The following XG variants were observed in gnomAD, a reference collection of about 807,000 sequenced individuals.
The protein encoded by XG is glycoprotein Xg.
A neutral mutation model predicts 25.7 loss-of-function variants in XG; 24 were observed. The observed-to-expected ratio is 0.93, with a 90% CI of 0.68 to 1.31. The LOEUF is 1.31. Ranked by LOEUF, XG falls within the 40% of genes most tolerant of loss-of-function variation. XG has a pLI of 0.00. For synonymous variants in XG, 77 were observed against 69.2 expected, an observed-to-expected ratio of 1.11 and a Z score of -0.56; for missense variants, 181 against 187.6, an observed-to-expected ratio of 0.96 and a Z score of 0.21.
intron 1 of XG, among the ~76,000 whole-genome samples, chrX:2,765,941 G>GT (rs2050674783): frequency 6.6e-6 from 1 of 152,222 alleles, no homozygotes; most frequent in Non-Finnish European, 1.5e-5. Flanking sequence ...ACATACAAAT[G>GT]TATTTAATGT....
chrX:2,766,606 C>G (rs1336485466), intron 1 of XG, among the ~76,000 whole-genome samples: 1 of 145,556 alleles, frequency 6.9e-6, no homozygotes, highest in Non-Finnish European at 1.5e-5. Context: ...GCTCTGTCAC[C>G]CAGGCTGGAG....
chrX:2,765,718 G>A (rs2050669108), intron 1 of XG, among the ~76,000 whole-genome samples: 1 of 152,174 alleles, frequency 6.6e-6, no homozygotes, highest in African/African-American at 2.4e-5. Context: ...GTTTTGCTGT[G>A]GGTCCATTGC....
intron 7 of XG, among the ~76,000 whole-genome samples, chrX:2,805,118 A>T (rs750329289): frequency 1.8e-5 from 2 of 112,284 alleles, no homozygotes; most frequent in South Asian, 7.4e-4. Context: ...CTTCTCCCCG[A>T]ATCCCCAAAG....
chrX:2,756,751 C>A (rs1426375383), intron 1 of XG, among the ~76,000 whole-genome samples: 1 of 152,200 alleles, frequency 6.6e-6, no homozygotes, highest in Non-Finnish European at 1.5e-5. Flanking sequence ...ATCTGTTTGA[C>A]CGCCACACAC....
chrX:2,811,484 T>G (rs1268371520), intron 10 of XG, 32 bp downstream of exon 10: 1 of 1,037,157 alleles, frequency 9.6e-7, no homozygotes, highest in Admixed American at 3.2e-5. Context: ...GTTTTGCTTG[T>G]TACTAAGCCT....
chrX:2,808,176 C>T lies in XG; in HGVS notation c.419-9C>T, dbSNP rs368000300. 1.8e-5 allele frequency: 22 copies of T among 1,210,675 alleles called. No homozygotes were observed. The highest frequency in any genetic ancestry group is 5.9e-5 in the East Asian group (2 of 33,794). On this transcript the variant is annotated splice_polypyrimidine_tract_variant and intron_variant, in intron 8 of 10. Coordinates refer to ENST00000644266, the MANE Select transcript of XG (RefSeq NM_001141919.2). The stretch of plus-strand genomic sequence containing the variant: ...CTGAATAAACACGAACATCCTTTTC[C>T]GCTTACAGGTGGAGATCACCATTCA...
At chrX:2,774,834 T>A in intron 3 of XG, 95 bp downstream of exon 3, 1 of 1,499,256 alleles carries the variant, frequency 6.7e-7, no homozygotes, top group Non-Finnish European at 9.3e-7. Context: ...AACTGTGGGG[T>A]ATATGAAAGA....
At chrX:2,766,256 T>G (rs1180372301) in intron 1 of XG, among the ~76,000 whole-genome samples, 1 of 152,198 alleles carries the variant, frequency 6.6e-6, no homozygotes, top group African/African-American at 2.4e-5. Context: ...TTCTCCTGCC[T>G]CAGCCTCCTG....
intron 7 of XG, among the ~76,000 whole-genome samples, chrX:2,804,907 C>CAAG (rs967568036): frequency 8.9e-6 from 1 of 112,257 alleles, no homozygotes; most frequent in African/African-American, 3.2e-5. Flanking sequence ...GCAGCTGGGC[C>CAAG]AAGAACATCA....
intron 8 of XG, 133 bp from the exon 9 acceptor site, chrX:2,808,052 C>A (rs767275651): frequency 2.7e-5 from 19 of 699,565 alleles, no homozygotes; most frequent in Non-Finnish European, 3.5e-5. Context: ...CCCCTCCCCC[C>A]ACAAGAATGT....
chrX:2,795,151 T>TTTAAAA (rs1161997293), intron 6 of XG, among the ~76,000 whole-genome samples: 1 of 108,985 alleles, frequency 9.2e-6, no homozygotes, highest in Non-Finnish European at 1.9e-5. Flanking sequence ...TATATATCCT[T>TTTAAAA]ATATATATCT....
At chrX:2,807,714 AATGC>A (rs2087015504) in intron 8 of XG, among the ~76,000 whole-genome samples, 1 of 111,389 alleles carries the variant, frequency 9.0e-6, no homozygotes, top group Non-Finnish European at 1.9e-5. Flanking sequence ...CATGTGTGTA[AATGC>A]ATGTGTGTGT....
intron 3 of XG, among the ~76,000 whole-genome samples, chrX:2,778,718 G>A (rs1490363115): frequency 1.3e-5 from 2 of 151,948 alleles, no homozygotes; most frequent in Non-Finnish European, 2.9e-5. Flanking sequence ...AGGCAGGACT[G>A]AGACAATTGG....
At chrX:2,768,283 G>C (rs1471267393) in intron 1 of XG, among the ~76,000 whole-genome samples, 1 of 152,150 alleles carries the variant, frequency 6.6e-6, no homozygotes, top group African/African-American at 2.4e-5. Flanking sequence ...ATTGGTCAAC[G>C]GCGAACACAG....
At chrX:2,787,907 C>CAA (rs61601632) in intron 4 of XG, among the ~76,000 whole-genome samples, 4 of 50,764 alleles carry the variant, frequency 7.9e-5, no homozygotes, top group East Asian at 5.9e-4. Flanking sequence ...AACTCCTTCT[C>CAA]AAAAAAAAAA....
At chrX:2,772,471 T>A (rs977961253) in intron 2 of XG, among the ~76,000 whole-genome samples, 20 of 151,954 alleles carry the variant, frequency 1.3e-4, no homozygotes, top group African/African-American at 4.6e-4. Context: ...GGCCACAGGG[T>A]GTAGGATCCC....
intron 1 of XG, among the ~76,000 whole-genome samples, chrX:2,758,376 C>T (rs907501156): frequency 2.0e-4 from 31 of 152,148 alleles, no homozygotes; most frequent in African/African-American, 7.5e-4. Context: ...GCTGGGAGAC[C>T]TGCATTTTAA....
intron 7 of XG, 65 bp from the exon 8 acceptor site, chrX:2,806,636 C>A: frequency 9.9e-7 from 1 of 1,009,892 alleles, no homozygotes; most frequent in South Asian, 2.2e-5. Context: ...CTGCTTGCTT[C>A]TGTAAGATCA....
intron 1 of XG, among the ~76,000 whole-genome samples, chrX:2,758,176 G>T (rs1388232109): frequency 8.6e-5 from 13 of 151,832 alleles, no homozygotes; most frequent in Admixed American, 7.2e-4. Context: ...CAAATTTGTA[G>T]GTGTGGAAAG....
Sources: allele counts gnomAD v4.1 joint callset (sites outside exome capture counted in the v4.1 genomes callset), GRCh38; gene constraint gnomAD v4.1.1; transcripts MANE v1.5; gene names NCBI Gene and HGNC (gene_info 2026-07-23, HGNC 2026-07-21).